Variants in COL4A2 observed in about 807,000 individuals in gnomAD.
COL4A2 encodes collagen type IV alpha 2 chain, also known as collagen alpha-2(IV) chain.
A neutral mutation model predicts 200.2 loss-of-function variants in COL4A2; 99 were observed. That is an observed-to-expected ratio of 0.49 (90% CI 0.42 to 0.58). The LOEUF (loss-of-function observed/expected upper bound fraction) is 0.58. Among genes scored for constraint, COL4A2 ranks in the 20% least tolerant of loss-of-function variants. COL4A2 has a pLI of 0.00. For synonymous variants in COL4A2, 897 were observed against 900.6 expected, an observed-to-expected ratio of 1.00 and a Z score of 0.07; for missense variants, 1,950 against 2,314.1, an observed-to-expected ratio of 0.84 and a Z score of 3.23.
intron 24 of COL4A2, among the ~76,000 whole-genome samples, chr13:110,463,503 A>G (rs895501432): frequency 6.6e-6 from 1 of 152,168 alleles, no homozygotes; most frequent in Non-Finnish European, 1.5e-5. Context: ...CCTGAATTCT[A>G]TTCGCAGCTT....
chr13:110,387,011 G>A (rs1222266471), intron 4 of COL4A2, among the ~76,000 whole-genome samples: 1 of 152,136 alleles, frequency 6.6e-6, no homozygotes, highest in South Asian at 2.1e-4. Context: ...AGGCCGAGGC[G>A]GGTGAATTAC....
At chr13:110,386,179 T>G (rs888234122) in intron 4 of COL4A2, among the ~76,000 whole-genome samples, 1 of 152,222 alleles carries the variant, frequency 6.6e-6, no homozygotes, top group African/African-American at 2.4e-5. Context: ...TTACATTGTG[T>G]GACTAGATTG....
intron 4 of COL4A2, among the ~76,000 whole-genome samples, chr13:110,365,649 T>C (rs1877712945): frequency 6.6e-6 from 1 of 152,102 alleles, no homozygotes; most frequent in Non-Finnish European, 1.5e-5. Flanking sequence ...ACCTGCCCTT[T>C]CTCCACGCAA....
chr13:110,346,856 G>A (rs760701279), intron 3 of COL4A2, among the ~76,000 whole-genome samples: 6 of 152,308 alleles, frequency 3.9e-5, no homozygotes, highest in South Asian at 2.1e-4. Context: ...AGCTCCTCCC[G>A]GGGTGAAGGC....
At chr13:110,478,492 G>A (rs1025042256) in intron 30 of COL4A2, among the ~76,000 whole-genome samples, 3 of 152,256 alleles carry the variant, frequency 2.0e-5, no homozygotes, top group African/African-American at 7.2e-5. Flanking sequence ...AGTGCAGGGT[G>A]TGGGTTGGAA....
At chr13:110,466,484 C>G (rs904309631) in intron 26 of COL4A2, among the ~76,000 whole-genome samples, 8 of 152,318 alleles carry the variant, frequency 5.3e-5, no homozygotes, top group African/African-American at 1.9e-4. Flanking sequence ...AAGAGAGCCT[C>G]TTAGACAAAG....
intron 10 of COL4A2, among the ~76,000 whole-genome samples, chr13:110,432,074 A>C (rs572309829): frequency 6.6e-6 from 1 of 152,204 alleles, no homozygotes; most frequent in Non-Finnish European, 1.5e-5. Context: ...TGAAGTCAAA[A>C]GCCCAAACAC....
intron 18 of COL4A2, among the ~76,000 whole-genome samples, chr13:110,447,417 G>T (rs771526794): frequency 6.6e-6 from 1 of 152,128 alleles, no homozygotes; most frequent in African/African-American, 2.4e-5. Flanking sequence ...GAGTGTAAAC[G>T]AAGGACTTTG....
chr13:110,422,263 T>C (rs938571080), intron 4 of COL4A2, among the ~76,000 whole-genome samples: 1 of 152,186 alleles, frequency 6.6e-6, no homozygotes, highest in Non-Finnish European at 1.5e-5. Context: ...TGAGCACCAC[T>C]GGGAAGGATC....
chr13:110,467,027 T>C lies in COL4A2; in HGVS notation c.2039-13T>C, dbSNP rs1259920563. On this transcript the variant is annotated splice_polypyrimidine_tract_variant and intron_variant, in intron 26 of 47. Transcript: ENST00000360467. ...GATTGCTTGGGCTCATCTTTTCTCC[T>C]TTCTGTCCCCAGGTTGCATAGGAGG... 1 of 1,613,934 alleles carries C rather than the reference T, an allele frequency of 6.2e-7. No homozygotes were observed.
At chr13:110,467,381 G>T (rs550473558) in intron 27 of COL4A2, among the ~76,000 whole-genome samples, 4 of 152,238 alleles carry the variant, frequency 2.6e-5, no homozygotes, top group Non-Finnish European at 2.9e-5. Context: ...TGGAAGCCTC[G>T]TGTTTAGGAC....
chr13:110,309,343 T>G (rs1884908087), intron 3 of COL4A2, among the ~76,000 whole-genome samples: 1 of 152,192 alleles, frequency 6.6e-6, no homozygotes, highest in South Asian at 2.1e-4. Flanking sequence ...GTCTGTCTCT[T>G]CGTCCCAGCC....
intron 20 of COL4A2, among the ~76,000 whole-genome samples, chr13:110,455,253 C>T (rs888080873): frequency 2.0e-5 from 3 of 152,160 alleles, no homozygotes; most frequent in Non-Finnish European, 4.4e-5. Context: ...TCTTCCCCTC[C>T]CTTTGTGCAA....
intron 4 of COL4A2, among the ~76,000 whole-genome samples, chr13:110,412,031 C>A (rs1373682497): frequency 6.6e-6 from 1 of 152,180 alleles, no homozygotes; most frequent in Non-Finnish European, 1.5e-5. Flanking sequence ...TAGCTTAGTC[C>A]CAACCAGGGG....
chr13:110,488,449 T>C (rs554130266), intron 34 of COL4A2, among the ~76,000 whole-genome samples: 1 of 152,256 alleles, frequency 6.6e-6, no homozygotes, highest in Admixed American at 6.5e-5. Flanking sequence ...AGGAAGCCAC[T>C]CTGGAGGGGA....
intron 34 of COL4A2, among the ~76,000 whole-genome samples, chr13:110,486,370 G>A (rs1217028606): frequency 1.3e-5 from 2 of 152,202 alleles, no homozygotes; most frequent in Admixed American, 1.3e-4. Flanking sequence ...TCCCTCAGCT[G>A]CAGAATGAAG....
rs1314926582 is a variant in COL4A2, at chr13:110,506,404, T to G, written c.4403-11T>G. 5 of 1,605,244 alleles carry G rather than the reference T, an allele frequency of 3.1e-6. No homozygotes were observed. Among genetic ancestry groups the G allele is most frequent in the Non-Finnish European group, 3.4e-6 (4 of 1,176,862 alleles). The stretch of plus-strand genomic sequence containing the variant: ...CCAGGCCGTCCACTCTCTCTCTTTC[T>G]CGGGCTGCAGGTGCACCAGGCCGTC... On this transcript the variant is annotated splice_polypyrimidine_tract_variant and intron_variant, in intron 45 of 47. Coordinates refer to ENST00000360467, the MANE Select transcript of COL4A2 (RefSeq NM_001846.4).
At chr13:110,472,113 C>CT (rs112919154) in intron 28 of COL4A2, among the ~76,000 whole-genome samples, 135,229 of 145,950 alleles carry the variant, frequency 0.93, 63,016 homozygotes, top group East Asian at 1. Context: ...TTTCTTTTTT[C>CT]TTTTTATTTT....
At chr13:110,333,045 G>C (rs1875999701) in intron 3 of COL4A2, among the ~76,000 whole-genome samples, 2 of 152,186 alleles carry the variant, frequency 1.3e-5, no homozygotes, top group Non-Finnish European at 2.9e-5. Context: ...AGGGTGAAGG[G>C]CTGCAGCTGT....
Sources: allele counts gnomAD v4.1 joint callset (sites outside exome capture counted in the v4.1 genomes callset), GRCh38; gene constraint gnomAD v4.1.1; transcripts MANE v1.5; gene names NCBI Gene and HGNC (gene_info 2026-07-23, HGNC 2026-07-21).